The following GRID1 variants were observed in gnomAD, a reference collection of about 807,000 sequenced individuals.
GRID1 encodes the protein glutamate receptor ionotropic, delta-1.
GRID1 carries 28 observed loss-of-function variants against 98.0 expected under a neutral mutation model. The observed-to-expected ratio is 0.29, with a 90% confidence interval of 0.21 to 0.39. GRID1 has a LOEUF of 0.39. GRID1 is among the 10% of genes least tolerant of loss of function. The probability of loss-of-function intolerance (pLI) is 1.00; values close to 1 mark genes in which losing one functional copy is unlikely to be tolerated. For synonymous variants in GRID1, 553 were observed against 538.5 expected, an observed-to-expected ratio of 1.03 and a Z score of -0.37; for missense variants, 1,111 against 1,340.5, an observed-to-expected ratio of 0.83 and a Z score of 2.67.
intron 3 of GRID1, among the ~76,000 whole-genome samples, chr10:86,205,374 G>T (rs1846011728): frequency 6.6e-6 from 1 of 152,200 alleles, no homozygotes; most frequent in Non-Finnish European, 1.5e-5. Flanking sequence ...CTATAAAGAG[G>T]TAGCACAGGG....
chr10:85,808,251 C>G (rs560322734), intron 8 of GRID1, among the ~76,000 whole-genome samples: 1 of 152,224 alleles, frequency 6.6e-6, no homozygotes, highest in African/African-American at 2.4e-5. Context: ...ATCAGTTTTG[C>G]ATGGAAATCA....
At chr10:86,169,731 A>T (rs974787485) in intron 3 of GRID1, among the ~76,000 whole-genome samples, 7 of 152,138 alleles carry the variant, frequency 4.6e-5, no homozygotes, top group Non-Finnish European at 8.8e-5. Context: ...AGCCAGTTCA[A>T]CTCAGGAGTC....
rs1046488489 is a variant in GRID1 at position 85,916,690 on chromosome 10, A to C, written c.727-451T>G. On this transcript the variant is annotated intron_variant, in intron 4 of 15. Transcript: ENST00000327946. This position sits in a 1 kb window ranked among gnomAD's most constrained non-coding sequence, Gnocchi z 4.0. The stretch of plus-strand genomic sequence containing the variant: ...ACTGAGTGACATTCAGGAAGACAGC[A>C]GCTCACAGCAGCTCTGGGGCTCCGA... Among the ~76,000 whole-genome samples, 4 of 152,238 alleles carry C rather than the reference A, an allele frequency of 2.6e-5. No homozygotes were observed. The highest frequency in any genetic ancestry group is 9.6e-5 in the African/African-American group (4 of 41,470).
chr10:86,040,379 C>T (rs2352430), intron 4 of GRID1, among the ~76,000 whole-genome samples: 123,346 of 152,060 alleles, frequency 0.81, 50,392 homozygotes, highest in African/African-American at 0.9. Context: ...ATGTGTTATA[C>T]ATAAAACAGA....
intron 4 of GRID1, among the ~76,000 whole-genome samples, chr10:86,022,716 G>C (rs897008805): frequency 1.3e-5 from 2 of 151,862 alleles, no homozygotes; most frequent in Admixed American, 1.3e-4. Flanking sequence ...TCAGGAGTTC[G>C]AGACCAGCCT....
intron 8 of GRID1, among the ~76,000 whole-genome samples, chr10:85,786,436 C>T (rs1376944107): frequency 6.6e-6 from 1 of 152,214 alleles, no homozygotes; most frequent in East Asian, 1.9e-4. Flanking sequence ...GTGACAACCC[C>T]TGCTCTTTCC....
intron 8 of GRID1, among the ~76,000 whole-genome samples, chr10:85,837,718 A>ACAAGAATG (rs1842923204): frequency 6.6e-6 from 1 of 152,152 alleles, no homozygotes; most frequent in Non-Finnish European, 1.5e-5. Flanking sequence ...AAGAATCAGC[A>ACAAGAATG]CAAGAATGCT....
intron 2 of GRID1, among the ~76,000 whole-genome samples, chr10:86,359,946 GCTAA>G: frequency 6.6e-6 from 1 of 152,234 alleles, no homozygotes; most frequent in East Asian, 1.9e-4. Context: ...TGTGTTATTT[GCTAA>G]CTTTCAATCC....
intron 2 of GRID1, among the ~76,000 whole-genome samples, chr10:86,350,015 G>A (rs996896888): frequency 1.3e-5 from 2 of 152,250 alleles, no homozygotes; most frequent in Admixed American, 1.3e-4. Flanking sequence ...CTTCTCTGAG[G>A]AGGTAAGATC....
intron 12 of GRID1, among the ~76,000 whole-genome samples, chr10:85,716,860 A>G (rs149758266): frequency 5.9e-4 from 90 of 152,216 alleles, no homozygotes; most frequent in African/African-American, 2.1e-3. Flanking sequence ...ACAGAAAGAC[A>G]CATACTGAAT....
intron 5 of GRID1, among the ~76,000 whole-genome samples, chr10:85,898,372 C>A (rs1589291788): frequency 6.6e-6 from 1 of 152,044 alleles, no homozygotes; most frequent in African/African-American, 2.4e-5. Context: ...ACTATAGAGG[C>A]TATGAACACT....
At chr10:85,698,679 A>G (rs1841419790) in intron 12 of GRID1, among the ~76,000 whole-genome samples, 1 of 152,240 alleles carries the variant, frequency 6.6e-6, no homozygotes, top group Admixed American at 6.5e-5. Context: ...TGGGCTAAAT[A>G]CCAGAAGAGT....
At chr10:85,993,871 C>A (rs1035465095) in intron 4 of GRID1, among the ~76,000 whole-genome samples, 1 of 150,784 alleles carries the variant, frequency 6.6e-6, no homozygotes, top group African/African-American at 2.4e-5. Context: ...GACCCCTTTC[C>A]GTCTCTGATG....
At chr10:86,129,884 A>G (rs1361054747) in intron 4 of GRID1, among the ~76,000 whole-genome samples, 1 of 152,202 alleles carries the variant, frequency 6.6e-6, no homozygotes, top group Non-Finnish European at 1.5e-5. Flanking sequence ...AGCTGACTTC[A>G]TGGCTTGCTC....
chr10:85,602,178 TGCGA>T lies in GRID1; in HGVS notation c.*91_*94del. 1 of 675,392 alleles carries T rather than the reference TGCGA, an allele frequency of 1.5e-6. No individual in the cohort carries two copies. 41.8% of individuals were successfully genotyped at this position (675,392 alleles called of 1,614,324 possible). A position where few individuals can be genotyped will look rare whatever the true frequency, so the allele number is the denominator to read the frequency against. ...AAGAGTCTCTGTGTATGTGTGTGTG[TGCGA>T]GTGTGTGTGGTTTGTGTTGTTGTTT... On this transcript the variant is annotated 3_prime_UTR_variant, in exon 16 of 16. Transcript: ENST00000327946.
chr10:86,228,254 T>TC (rs1846389182), intron 2 of GRID1, among the ~76,000 whole-genome samples: 1 of 62,282 alleles, frequency 1.6e-5, no homozygotes, highest in Non-Finnish European at 3.1e-5. Flanking sequence ...GATGGAGGGG[T>TC]GGGGGAGAGG....
chr10:85,977,968 C>T (rs1842494816), intron 4 of GRID1, among the ~76,000 whole-genome samples: 2 of 152,142 alleles, frequency 1.3e-5, no homozygotes, highest in South Asian at 4.2e-4. Context: ...CTCCAGGGCC[C>T]ACATGAGAGT....
chr10:85,629,514 TAA>T (rs1590166364), intron 13 of GRID1, among the ~76,000 whole-genome samples: 1 of 152,188 alleles, frequency 6.6e-6, no homozygotes, highest in Non-Finnish European at 1.5e-5. Flanking sequence ...TTATTTCACT[TAA>T]GAGAGTGACC....
At chr10:85,812,310 A>G (rs1350598931) in intron 8 of GRID1, among the ~76,000 whole-genome samples, 2 of 152,138 alleles carry the variant, frequency 1.3e-5, no homozygotes, top group Non-Finnish European at 2.9e-5. Flanking sequence ...AAAAAATCAA[A>G]CCTTACTATG....
Sources: allele counts gnomAD v4.1 joint callset (sites outside exome capture counted in the v4.1 genomes callset), GRCh38; gene constraint gnomAD v4.1.1; non-coding constraint Gnocchi (gnomAD v3.1); transcripts MANE v1.5; gene names NCBI Gene and HGNC (gene_info 2026-07-23, HGNC 2026-07-21).